Variants in SV2C observed in about 807,000 individuals in gnomAD.
The protein encoded by SV2C is solute carrier family 22 member B3.
SV2C carries 49 observed loss-of-function variants against 79.7 expected under a neutral mutation model. That is an observed-to-expected ratio of 0.61 (90% CI 0.49 to 0.78). The LOEUF is 0.78. SV2C is among the 30% of genes least tolerant of loss of function. The probability of loss-of-function intolerance (pLI) is 0.00; values close to 1 mark genes in which losing one functional copy is unlikely to be tolerated. For missense variants in SV2C, 833 were observed against 912.9 expected, an observed-to-expected ratio of 0.91 and a Z score of 1.13; for synonymous variants, 334 against 333.2, an observed-to-expected ratio of 1.00 and a Z score of -0.03.
chr5:76,277,978 G>A (rs563815106), intron 4 of SV2C, among the ~76,000 whole-genome samples: 1 of 152,258 alleles, frequency 6.6e-6, no homozygotes, highest in South Asian at 2.1e-4. Flanking sequence ...CTCTGCATTT[G>A]TCAAGCTCAT....
intron 1 of SV2C, among the ~76,000 whole-genome samples, chr5:76,122,044 A>G (rs897189392): frequency 2.0e-5 from 3 of 151,872 alleles, no homozygotes; most frequent in Non-Finnish European, 2.9e-5. Context: ...CTTTTATTTC[A>G]TTGAGCAGTG....
the SV2C span, among the ~76,000 whole-genome samples, chr5:76,071,678 C>G: frequency 1.0e-3 from 158 of 152,222 alleles, no homozygotes; most frequent in South Asian, 1.9e-3. Context: ...AGAAGTGAAC[C>G]TAACTTCCTG....
At chr5:76,291,927 T>G in intron 8 of SV2C, 71 bp downstream of exon 8, 1 of 1,159,370 alleles carries the variant, frequency 8.6e-7, no homozygotes, top group Non-Finnish European at 1.3e-6. Flanking sequence ...GCCATGCTGC[T>G]TTCTTTTCTG....
chr5:76,069,123 C>G, the SV2C span, among the ~76,000 whole-genome samples: 1 of 152,152 alleles, frequency 6.6e-6, no homozygotes, highest in South Asian at 2.1e-4. Context: ...GTTTTAGTTA[C>G]AATTGATCTT....
chr5:76,193,030 A>G (rs1744154651), intron 2 of SV2C, among the ~76,000 whole-genome samples: 1 of 151,920 alleles, frequency 6.6e-6, no homozygotes, highest in Non-Finnish European at 1.5e-5. Flanking sequence ...TCCTATTTAC[A>G]CTGCTGTTCG....
chr5:76,039,862 C>T, the SV2C span, among the ~76,000 whole-genome samples: 3 of 151,936 alleles, frequency 2.0e-5, no homozygotes, highest in Non-Finnish European at 4.4e-5. Flanking sequence ...CAGTCAATGC[C>T]CTTTCCATAT....
chr5:75,870,466 G>A, the SV2C span, among the ~76,000 whole-genome samples: 1 of 151,122 alleles, frequency 6.6e-6, no homozygotes, highest in African/African-American at 2.4e-5. Flanking sequence ...ACACAGAGGA[G>A]ACAAAAGTAA....
chr5:75,967,591 G>A, the SV2C span, among the ~76,000 whole-genome samples: 1 of 152,150 alleles, frequency 6.6e-6, no homozygotes, highest in East Asian at 1.9e-4. Context: ...AGCAGTCTGA[G>A]ATCAAGCTGC....
At chr5:76,037,243 C>G in the SV2C span, among the ~76,000 whole-genome samples, 2 of 152,226 alleles carry the variant, frequency 1.3e-5, no homozygotes, top group Non-Finnish European at 2.9e-5. Flanking sequence ...CTTCTCTCAG[C>G]TCGTCAAAGT....
the SV2C span, among the ~76,000 whole-genome samples, chr5:75,994,168 T>A: frequency 6.6e-6 from 1 of 152,088 alleles, no homozygotes; most frequent in Non-Finnish European, 1.5e-5. Flanking sequence ...ATGGTACACA[T>A]GAGCAAATTT....
chr5:76,003,572 C>T, the SV2C span, among the ~76,000 whole-genome samples: 1 of 152,126 alleles, frequency 6.6e-6, no homozygotes, highest in East Asian at 1.9e-4. Flanking sequence ...GCTTGTAAGG[C>T]TCAGTAACAA....
chr5:75,980,780 C>T, the SV2C span, among the ~76,000 whole-genome samples: 2 of 152,052 alleles, frequency 1.3e-5, no homozygotes, highest in Non-Finnish European at 2.9e-5. Context: ...AAGCTGAAAG[C>T]CTTTCCTCTT....
chr5:76,180,127 C>G (rs1447056828), intron 2 of SV2C, among the ~76,000 whole-genome samples: 1 of 152,074 alleles, frequency 6.6e-6, no homozygotes, highest in Non-Finnish European at 1.5e-5. Flanking sequence ...AGTGAGAGTC[C>G]CTGCCCCTCC....
At chr5:76,273,748 G>T (rs1457421048) in intron 4 of SV2C, among the ~76,000 whole-genome samples, 2 of 152,152 alleles carry the variant, frequency 1.3e-5, no homozygotes, top group African/African-American at 4.8e-5. Context: ...GAGTTTGTTG[G>T]AATTTAACCC....
the SV2C span, among the ~76,000 whole-genome samples, chr5:76,041,716 G>A: frequency 1.3e-5 from 2 of 152,110 alleles, no homozygotes; most frequent in Non-Finnish European, 2.9e-5. Context: ...CTAAATACTG[G>A]TTGTAAGCAC....
At chr5:75,887,897 C>G in the SV2C span, among the ~76,000 whole-genome samples, 12 of 152,114 alleles carry the variant, frequency 7.9e-5, no homozygotes, top group African/African-American at 2.7e-4. Flanking sequence ...TAAAATACCC[C>G]TTTGAAATAT....
the SV2C span, among the ~76,000 whole-genome samples, chr5:76,044,255 G>C: frequency 6.6e-6 from 1 of 152,118 alleles, no homozygotes; most frequent in Non-Finnish European, 1.5e-5. Flanking sequence ...ACTTTTTATG[G>C]CTGCATAGTA....
the SV2C span, among the ~76,000 whole-genome samples, chr5:75,884,095 A>G: frequency 6.6e-6 from 1 of 152,174 alleles, no homozygotes; most frequent in Non-Finnish European, 1.5e-5. Context: ...GGGAAGATAT[A>G]CCCTAGTCTT....
At chr5:76,189,922 C>T (rs1744042285) in intron 2 of SV2C, among the ~76,000 whole-genome samples, 1 of 152,154 alleles carries the variant, frequency 6.6e-6, no homozygotes, top group Non-Finnish European at 1.5e-5. Flanking sequence ...TTTCCTTTCA[C>T]ACTCAGATTT....
Sources: gnomAD v4.1 joint callset for allele counts (sites outside exome capture counted in the v4.1 genomes callset) on GRCh38, gnomAD v4.1.1 for gene constraint, MANE v1.5 for transcripts, NCBI Gene and HGNC (gene_info 2026-07-23, HGNC 2026-07-21) for gene names.